The following CNBD1 variants were observed in gnomAD, a reference collection of about 807,000 sequenced individuals.
CNBD1 encodes the protein cyclic nucleotide-binding domain-containing protein 1.
Under a neutral mutation model 54.4 loss-of-function variants are expected in CNBD1, and 71 were observed. That is an observed-to-expected ratio of 1.30 (90% CI 1.08 to 1.59). The LOEUF is 1.59. Among genes scored for constraint, CNBD1 ranks in the 40% most tolerant of loss-of-function variants. CNBD1 has a pLI of 0.00. For synonymous variants in CNBD1, 182 were observed against 170.7 expected (o/e 1.07, Z -0.51); for missense variants, 659 against 518.0 (o/e 1.27, Z -2.64).
intron 4 of CNBD1, among the ~76,000 whole-genome samples, chr8:87,132,826 CAT>C (rs1276963962): frequency 6.1e-5 from 9 of 147,018 alleles, no homozygotes; most frequent in East Asian, 2.0e-4. Flanking sequence ...TATACACACA[CAT>C]ATATATATAT....
At chr8:87,192,754 TAAG>T (rs1007023164) in intron 4 of CNBD1, among the ~76,000 whole-genome samples, 1 of 152,126 alleles carries the variant, frequency 6.6e-6, no homozygotes, top group Non-Finnish European at 1.5e-5. Context: ...ATGTGTAGAG[TAAG>T]AAGAAGTCTA....
intron 6 of CNBD1, among the ~76,000 whole-genome samples, chr8:87,264,472 T>C (rs1159071845): frequency 6.6e-6 from 1 of 152,166 alleles, no homozygotes; most frequent in African/African-American, 2.4e-5. Context: ...TGTGCGTGTG[T>C]CTTTATAGTA....
intron 2 of CNBD1, among the ~76,000 whole-genome samples, chr8:87,398,354 A>G (rs1811445493): frequency 1.3e-5 from 2 of 151,682 alleles, no homozygotes; most frequent in East Asian, 1.9e-4. Flanking sequence ...TTTTTCAGAG[A>G]AAATGGACTT....
intron 7 of CNBD1, 127 bp from the exon 8 acceptor site, chr8:87,286,412 A>G: frequency 1.7e-6 from 1 of 583,110 alleles, no homozygotes. Context: ...ATAAAATTCA[A>G]ATGTATTCTA....
chr8:87,369,977 G>A (rs1810737725), intron 10 of CNBD1, among the ~76,000 whole-genome samples: 1 of 151,926 alleles, frequency 6.6e-6, no homozygotes, highest in Non-Finnish European at 1.5e-5. Flanking sequence ...AACATGCAGT[G>A]TTTGGTTTTT....
intron 4 of CNBD1, among the ~76,000 whole-genome samples, chr8:87,167,431 G>A (rs1477599917): frequency 1.3e-5 from 2 of 151,756 alleles, no homozygotes; most frequent in African/African-American, 2.4e-5. Context: ...ACATCCTTCA[G>A]TGTATAGAAC....
At chr8:86,932,114 T>G (rs1185303853) in intron 3 of CNBD1, among the ~76,000 whole-genome samples, 1 of 152,198 alleles carries the variant, frequency 6.6e-6, no homozygotes, top group African/African-American at 2.4e-5. Context: ...AGTCTCGGGC[T>G]GCAGCTAAAG....
At chr8:87,264,504 G>A (rs1808208533) in intron 6 of CNBD1, among the ~76,000 whole-genome samples, 1 of 152,088 alleles carries the variant, frequency 6.6e-6, no homozygotes, top group Non-Finnish European at 1.5e-5. Flanking sequence ...AATCCTTTGG[G>A]TATATACCCA....
At chr8:87,264,203 T>G (rs1271446837) in intron 6 of CNBD1, among the ~76,000 whole-genome samples, 2 of 152,052 alleles carry the variant, frequency 1.3e-5, no homozygotes, top group Admixed American at 6.5e-5. Context: ...TGTGTCCATG[T>G]GTTCTCTTTG....
chr8:87,304,259 G>A (rs1454980152), intron 8 of CNBD1, among the ~76,000 whole-genome samples: 2 of 152,046 alleles, frequency 1.3e-5, no homozygotes, highest in Admixed American at 6.6e-5. Context: ...ATGATAGACT[G>A]GATTAAGAAA....
intron 4 of CNBD1, among the ~76,000 whole-genome samples, chr8:87,145,043 A>G (rs1812454276): frequency 3.3e-5 from 5 of 152,192 alleles, no homozygotes. Context: ...TGGCAGAATG[A>G]CAATATTTGC....
At chr8:86,975,952 G>A (rs1808331282) in intron 4 of CNBD1, among the ~76,000 whole-genome samples, 1 of 151,398 alleles carries the variant, frequency 6.6e-6, no homozygotes, top group Non-Finnish European at 1.5e-5. Flanking sequence ...ATTTCATTTT[G>A]GTTTTAATTT....
At chr8:86,889,081 G>A (rs1808727337) in intron 2 of CNBD1, among the ~76,000 whole-genome samples, 1 of 152,094 alleles carries the variant, frequency 6.6e-6, no homozygotes, top group Non-Finnish European at 1.5e-5. Context: ...TATGTCTTTT[G>A]TTAGAAACCC....
chr8:87,375,495 A>G (rs56831023), intron 10 of CNBD1, among the ~76,000 whole-genome samples: 25,284 of 151,770 alleles, frequency 0.17, 2,951 homozygotes, highest in African/African-American at 0.34. Flanking sequence ...TTACTGAGAA[A>G]GTTTACAATA....
intron 2 of CNBD1, among the ~76,000 whole-genome samples, chr8:87,422,370 A>G (rs903917118): frequency 8.0e-6 from 1 of 125,522 alleles, no homozygotes; most frequent in Admixed American, 7.6e-5. Context: ...CCTGAATGGT[A>G]ATGCCTAGGT....
chr8:87,230,257 C>A (rs1314563924), intron 5 of CNBD1, among the ~76,000 whole-genome samples: 1 of 152,160 alleles, frequency 6.6e-6, no homozygotes, highest in African/African-American at 2.4e-5. Context: ...CCCACGGAGG[C>A]CACATCTCCA....
chr8:87,422,900 C>G (rs908356264), intron 2 of CNBD1, among the ~76,000 whole-genome samples: 10 of 152,016 alleles, frequency 6.6e-5, no homozygotes, highest in Admixed American at 6.5e-4. Context: ...TTCTTCCTAC[C>G]CATGAGCATG....
rs1031413085 is a variant in CNBD1, at chr8:87,182,889, A to G, written c.432-23104A>G. The stretch of plus-strand genomic sequence containing the variant: ...ATTTCTTTCTTTCTTTGTCCTGTGC[A>G]GAACCTCTTTGGTTTAATTAGGTTA... On this transcript the variant is annotated intron_variant, in intron 4 of 10. Coordinates refer to ENST00000518476, the MANE Select transcript of CNBD1 (RefSeq NM_173538.3). This position sits in a 1 kb window ranked among gnomAD's most constrained non-coding sequence, Gnocchi z 4.1. Among the ~76,000 whole-genome samples the G allele has an allele frequency of 6.6e-6, 1 of 152,144 alleles. No individual in the cohort carries two copies. The highest frequency in any genetic ancestry group is 2.4e-5 in the African/African-American group (1 of 41,442).
intron 4 of CNBD1, among the ~76,000 whole-genome samples, chr8:87,040,391 T>C (rs1247270694): frequency 2.6e-5 from 4 of 152,122 alleles, no homozygotes. Flanking sequence ...CAAATGCATT[T>C]ACTTTGTGCT....
Sources: gnomAD v4.1 joint callset for allele counts (sites outside exome capture counted in the v4.1 genomes callset) on GRCh38, gnomAD v4.1.1 for gene constraint, Gnocchi (gnomAD v3.1) non-coding constraint, MANE v1.5 for transcripts, NCBI Gene and HGNC (gene_info 2026-07-23, HGNC 2026-07-21) for gene names.